UGT1A1: variants seen among roughly 807,000 people sequenced by gnomAD.
UGT1A1 encodes the protein UDP-glucuronosyltransferase 1A1.
A neutral mutation model predicts 40.6 loss-of-function variants in UGT1A1; 33 were observed. The ratio of observed to expected loss-of-function variants is 0.81; its 90% confidence interval spans 0.62 to 1.09. The LOEUF (loss-of-function observed/expected upper bound fraction) is 1.09, where lower values mean the gene tolerates loss of function less well. UGT1A1 is among the 50% of genes least tolerant of loss of function. The pLI, the probability that UGT1A1 is intolerant of heterozygous loss-of-function variation, is 0.00. For synonymous variants in UGT1A1, 249 were observed against 265.0 expected (o/e 0.94, Z 0.59); for missense variants, 694 against 671.2 (o/e 1.03, Z -0.38).
In UGT1A1 at chr2:233,760,645, T is replaced by A. The variant is rs751311281; in HGVS notation, c.358T>A (p.Ser120Thr). 1 of 1,614,248 alleles carries A rather than the reference T, an allele frequency of 6.2e-7. No homozygotes were observed. The highest frequency in any genetic ancestry group is 1.1e-5 in the South Asian group (1 of 91,088). The part of the protein sequence containing the change: ...IKTYKKIKKD[S>T]AMLLSGCSHL... The stretch of plus-strand genomic sequence containing the variant: ...AACATACAAGAAAATAAAAAAGGAC[T>A]CTGCTATGCTTTTGTCTGGCTGTTC... The change falls in exon 1 of 5, where the codon TCT (serine) becomes ACT (threonine). Residue 120 changes from serine to threonine, a missense_variant. By Grantham distance (58) the Ser-to-Thr change is moderately conservative. Coordinates refer to ENST00000305208, the MANE Select transcript of UGT1A1 (RefSeq NM_000463.3).
chr2:233,761,152 G>A lies in UGT1A1; in HGVS notation c.864+1G>A, dbSNP rs587776764. On this transcript the variant is annotated splice_donor_variant, in intron 1 of 4. Transcript: ENST00000305208. LOFTEE classifies it high-confidence loss of function. Reference sequence around the variant, plus strand: ...CCTTCACCAAAATCCACTATCCCAGGTGTGTATTGGAGTGGGACTTTTACA... The same window carrying A: ...CCTTCACCAAAATCCACTATCCCAGATGTGTATTGGAGTGGGACTTTTACA... The A allele has an allele frequency of 1.2e-6, 2 of 1,614,084 alleles. No individual in the cohort carries two copies. Among genetic ancestry groups the A allele is most frequent in the South Asian group, 2.2e-5 (2 of 91,086 alleles).
intron 4 of UGT1A1, chr2:233,770,280 A>G (rs889485504): frequency 6.6e-6 from 1 of 152,192 alleles, no homozygotes; most frequent in Non-Finnish European, 1.5e-5. Context: ...CACAAAATAA[A>G]AAGAAGTGGA....
rs780354743 is a variant in UGT1A1 at position 233,767,874 on chromosome 2, G to A, written c.1022G>A (p.Arg341Gln). Residue 341 changes from arginine to glutamine, a missense_variant, in exon 3 of 5, where the codon CGA becomes CAA. Coordinates refer to ENST00000305208, the MANE Select transcript of UGT1A1 (RefSeq NM_000463.3). ...QTVLWRYTGT[R>Q]PSNLANNTIL... ...GTCCTGTGGCGGTACACTGGAACCC[G>A]ACCATCGAATCTTGCGAACAACACG... 28 of 1,613,980 alleles carry A rather than the reference G, an allele frequency of 1.7e-5. No individual in the cohort carries two copies. Among genetic ancestry groups the A allele is most frequent in the Admixed American group, 1.0e-4 (6 of 59,998 alleles).
At chr2:233,766,942 T>C (rs957269469) in intron 1 of UGT1A1, 92 bp from the exon 2 acceptor site, 13 of 1,596,398 alleles carry the variant, frequency 8.1e-6, no homozygotes, top group Non-Finnish European at 1.0e-5. Flanking sequence ...AATCATAGTC[T>C]TAAGAGGAAG....
In UGT1A1 at chr2:233,769,763, G is replaced by A; in HGVS notation, c.1304+1324G>A. 4 of 1,411,540 alleles carry A rather than the reference G, an allele frequency of 2.8e-6. No homozygotes were observed. The South Asian group carries it at 4.7e-5, about 17-fold the overall frequency. The allele number at this position is 1,411,540 out of a possible 1,614,324, so 87.4% of individuals were successfully genotyped here. A position where few individuals can be genotyped will look rare whatever the true frequency, so the allele number is the denominator to read the frequency against. ...CCAGCCACTCTGGAGGCTAAGGCGG[G>A]AGGATTGCTTGAGCCCAGAAGTTGG... On this transcript the variant is annotated intron_variant, in intron 4 of 4. Transcript: ENST00000305208. The surrounding 1 kb of genome is among the most constrained non-coding windows in gnomAD (Gnocchi z 4.4).
At position 233,760,806 on chromosome 2, in the gene UGT1A1, T is replaced by C. The variant is rs751197990; in HGVS notation, c.519T>C (p.His173=). ...YLSLPTVFFL[H]ALPCSLEFEA... is the part of the protein sequence containing the mutation. ...CTCTGCCCACTGTATTCTTCTTGCA[T>C]GCACTGCCATGCAGCCTGGAATTTG... Residue 173 remains histidine, a synonymous_variant, in exon 1 of 5, where the codon CAT becomes CAC. Transcript: ENST00000305208. 3 of 1,613,492 alleles carry C rather than the reference T, an allele frequency of 1.9e-6. No homozygotes were observed. The highest frequency in any genetic ancestry group is 2.5e-6 in the Non-Finnish European group (3 of 1,179,464).
At chr2:233,766,993 T>C in intron 1 of UGT1A1, 41 bp from the exon 2 acceptor site, 1 of 1,613,496 alleles carries the variant, frequency 6.2e-7, no homozygotes, top group South Asian at 1.1e-5. Context: ...CATCAAAGAA[T>C]ATGAGAAAAA....
chr2:233,765,261 T>C (rs1002454529), intron 1 of UGT1A1, among the ~76,000 whole-genome samples: 2 of 152,188 alleles, frequency 1.3e-5, no homozygotes, highest in Admixed American at 1.3e-4. Flanking sequence ...ACTGGGTATA[T>C]ACCCAAAGAA....
chr2:233,772,420 C>T lies in UGT1A1; in HGVS notation c.1463C>T (p.Ser488Phe), dbSNP rs72551360. ...GACCTCACCTGGTACCAGTACCATT[C>T]CTTGGACGTGATTGGTTTCCTCTTG... ...AHDLTWYQYHSLDVIGFLLAV... is the reference protein window; with the variant it reads ...AHDLTWYQYHFLDVIGFLLAV... Residue 488 changes from serine (S) to phenylalanine (F), a missense_variant, in exon 5 of 5, where the codon TCC becomes TTC. By Grantham distance (155) the Ser-to-Phe change is radical. Coordinates refer to ENST00000305208, the MANE Select transcript of UGT1A1 (RefSeq NM_000463.3). The T allele has an allele frequency of 2.3e-5, 37 of 1,614,120 alleles. No homozygotes were observed. Among genetic ancestry groups the T allele is most frequent in the African/African-American group, 8.0e-5 (6 of 74,942 alleles).
rs112628426 is a variant in UGT1A1 at position 233,767,948 on chromosome 2, G to A, written c.1084+12G>A. ...AAACGATCTGCTTGGTATGTTGGGC[G>A]GATTGGATGTATAGGTCAAACCAGG... On this transcript the variant is annotated intron_variant, in intron 3 of 4. Transcript: ENST00000305208. 87 of 1,614,164 alleles carry A rather than the reference G, an allele frequency of 5.4e-5. No individual in the cohort carries two copies. The highest frequency in any genetic ancestry group is 6.2e-5 in the Non-Finnish European group (73 of 1,180,040).
At chr2:233,765,043 G>A (rs987996173) in intron 1 of UGT1A1, among the ~76,000 whole-genome samples, 14 of 152,044 alleles carry the variant, frequency 9.2e-5, no homozygotes, top group Admixed American at 4.6e-4. Flanking sequence ...TGCAAATTGC[G>A]TTTGCTGAGC....
In UGT1A1 at chr2:233,772,606, T is replaced by C. The variant is rs34895241; in HGVS notation, c.*47T>C. 98 of 1,584,170 alleles carry C rather than the reference T, an allele frequency of 6.2e-5. No homozygotes were observed. Among genetic ancestry groups the C allele is most frequent in the Admixed American group, 4.5e-4 (25 of 55,206 alleles). On this transcript the variant is annotated 3_prime_UTR_variant, in exon 5 of 5. Transcript: ENST00000305208. The stretch of plus-strand genomic sequence containing the variant: ...AAAATTTTGAACCATTCCCTAGTCA[T>C]TTCCAAACTTGAAAACAGAATCAGT...
intron 1 of UGT1A1, among the ~76,000 whole-genome samples, chr2:233,761,487 C>T (rs1012485766): frequency 1.3e-5 from 2 of 152,232 alleles, no homozygotes; most frequent in East Asian, 1.9e-4. Flanking sequence ...GAAGCCTGCA[C>T]CTTGCCCTGG....
At chr2:233,768,049 C>A in intron 3 of UGT1A1, 113 bp downstream of exon 3, 1 of 1,606,778 alleles carries the variant, frequency 6.2e-7, no homozygotes, top group Non-Finnish European at 8.5e-7. Flanking sequence ...GCCAACATAT[C>A]CTACATTGCT....
rs939644938 is a variant in UGT1A1 at position 233,772,877 on chromosome 2, G to A, written c.*318G>A. On this transcript the variant is annotated 3_prime_UTR_variant, in exon 5 of 5. Coordinates refer to ENST00000305208, the MANE Select transcript of UGT1A1 (RefSeq NM_000463.3). Reference sequence around the variant, plus strand: ...TGAAACATGGCCTGTTTGGGAGTGCGGGATTCAAAGGTGGTCCCACGGCTG... The same window carrying A: ...TGAAACATGGCCTGTTTGGGAGTGCAGGATTCAAAGGTGGTCCCACGGCTG... 4.0e-5 allele frequency: 23 copies of A among 579,274 alleles called. No individual in the cohort carries two copies. The highest frequency in any genetic ancestry group is 3.1e-4 in the East Asian group (6 of 19,490). The allele number at this position is 579,274 out of a possible 1,614,324, so 35.9% of individuals were successfully genotyped here. A position where few individuals can be genotyped will look rare whatever the true frequency, so the allele number is the denominator to read the frequency against.
chr2:233,768,255 G>C lies in UGT1A1; in HGVS notation c.1120G>C (p.Gly374Arg). ...PMTRAFITHA[G>R]SHGVYESICN... is the part of the protein sequence containing the mutation. ...GACCCGTGCCTTTATCACCCATGCT[G>C]GTTCCCATGGTGTTTATGAAAGCAT... Residue 374 changes from glycine to arginine, a missense_variant, in exon 4 of 5, where the codon GGT (glycine) becomes CGT (arginine). By Grantham distance (125) the Gly-to-Arg change is moderately radical. Transcript: ENST00000305208. 1 of 1,614,166 alleles carries C rather than the reference G, an allele frequency of 6.2e-7. No individual in the cohort carries two copies. The highest frequency in any genetic ancestry group is 8.5e-7 in the Non-Finnish European group (1 of 1,180,040).
intron 3 of UGT1A1, 70 bp from the exon 4 acceptor site, chr2:233,768,150 G>A: frequency 6.2e-7 from 1 of 1,611,942 alleles, no homozygotes; most frequent in Middle Eastern, 1.7e-4. Flanking sequence ...AGTGTTTTCA[G>A]AACCTAGATG....
At chr2:233,764,870 C>A (rs17868342) in intron 1 of UGT1A1, among the ~76,000 whole-genome samples, 19,813 of 151,898 alleles carry the variant, frequency 0.13, 1,414 homozygotes, top group East Asian at 0.2. Context: ...TAGATGAGCC[C>A]AAGGGAAAAG....
chr2:233,772,677 A>C lies in UGT1A1; in HGVS notation c.*118A>C. The C allele has an allele frequency of 1.4e-5, 22 of 1,531,978 alleles. No homozygotes were observed. The highest frequency in any genetic ancestry group is 1.8e-5 in the Non-Finnish European group (21 of 1,142,190). 94.9% of individuals were successfully genotyped at this position (1,531,978 alleles called of 1,614,324 possible). On this transcript the variant is annotated 3_prime_UTR_variant, in exon 5 of 5. Transcript: ENST00000305208. Reference sequence around the variant, plus strand: ...ATTAAGGAAATACTTTGCATAAATTAATCAGCCCCAGAGTGCTTTAAAAAA... The same window carrying C: ...ATTAAGGAAATACTTTGCATAAATTCATCAGCCCCAGAGTGCTTTAAAAAA...
Sources: allele counts gnomAD v4.1 joint callset (sites outside exome capture counted in the v4.1 genomes callset), GRCh38; gene constraint gnomAD v4.1.1; non-coding constraint Gnocchi (gnomAD v3.1); transcripts MANE v1.5; gene names NCBI Gene and HGNC (gene_info 2026-07-23, HGNC 2026-07-21).